ATP8A1: variants seen among roughly 807,000 people sequenced by gnomAD.
ATP8A1 encodes the protein phospholipid-transporting ATPase IA.
In ATP8A1, 90 loss-of-function variants were observed where a neutral mutation model predicts 177.7. That is an observed-to-expected ratio of 0.51 (90% CI 0.43 to 0.60). The LOEUF is 0.60. ATP8A1 is among the 20% of genes least tolerant of loss of function. The probability of loss-of-function intolerance (pLI) is 0.00; values close to 1 mark genes in which losing one functional copy is unlikely to be tolerated. For missense variants in ATP8A1, 1,072 were observed against 1,392.8 expected, an observed-to-expected ratio of 0.77 and a Z score of 3.67; for synonymous variants, 493 against 485.9, an observed-to-expected ratio of 1.01 and a Z score of -0.19.
In ATP8A1 at chr4:42,423,601, C is replaced by G. The variant is rs368422986; in HGVS notation, c.3212+16G>C. ...TGCATCTATATTTCTCCGTATATAA[C>G]TGAGTATATACTTACACCTTGTACA... is the stretch of plus-strand genomic sequence containing the variant. On this transcript the variant is annotated intron_variant, in intron 34 of 36. Coordinates refer to ENST00000381668, the MANE Select transcript of ATP8A1 (RefSeq NM_006095.2). 1.9e-6 allele frequency: 3 copies of G among 1,544,452 alleles called. No homozygotes were observed. In the South Asian group the frequency reaches 3.5e-5, roughly 18 times the overall value.
chr4:42,435,443 A>C (rs1323076482), intron 33 of ATP8A1, among the ~76,000 whole-genome samples: 66 of 83,316 alleles, frequency 7.9e-4, no homozygotes, highest in African/African-American at 2.6e-3. Context: ...AAAAAAAAAA[A>C]AAAAAACAAA....
intron 29 of ATP8A1, among the ~76,000 whole-genome samples, chr4:42,453,968 A>G (rs2153178923): frequency 6.6e-6 from 1 of 152,378 alleles, no homozygotes; most frequent in South Asian, 2.1e-4. Context: ...ACTGGGCATC[A>G]CAAATAAATT....
chr4:42,578,059 G>C (rs900715929), intron 12 of ATP8A1, among the ~76,000 whole-genome samples: 3 of 152,110 alleles, frequency 2.0e-5, no homozygotes, highest in Non-Finnish European at 4.4e-5. Flanking sequence ...CTGAACTAGA[G>C]ACCCATTTTC....
intron 20 of ATP8A1, among the ~76,000 whole-genome samples, chr4:42,532,590 T>C (rs141967796): frequency 7.9e-4 from 120 of 152,282 alleles, no homozygotes; most frequent in African/African-American, 2.7e-3. Context: ...AAGCAATCTA[T>C]AGATTCAATG....
At chr4:42,438,907 G>A (rs1328026829) in intron 33 of ATP8A1, among the ~76,000 whole-genome samples, 1 of 152,128 alleles carries the variant, frequency 6.6e-6, no homozygotes, top group Non-Finnish European at 1.5e-5. Context: ...ATTAAACATA[G>A]CGCCTGGAGA....
At chr4:42,524,953 C>T in intron 20 of ATP8A1, 106 bp from the exon 21 acceptor site, 1 of 611,808 alleles carries the variant, frequency 1.6e-6, no homozygotes, top group Non-Finnish European at 2.8e-6. Flanking sequence ...AACCACCAAT[C>T]TCTTTTGGCA....
chr4:42,492,185 G>T (rs1722806002), intron 24 of ATP8A1, among the ~76,000 whole-genome samples: 1 of 152,074 alleles, frequency 6.6e-6, no homozygotes, highest in Non-Finnish European at 1.5e-5. Flanking sequence ...TGGCATTTAG[G>T]TCCAAACAAA....
Position 42,411,889 on chromosome 4 carries a change from A to AGTGG in ATP8A1, c.*1023_*1026dup, listed in dbSNP as rs1712659027. The AGTGG allele has an allele frequency of 6.6e-6, 1 of 152,260 alleles. No homozygotes were observed. The highest frequency in any genetic ancestry group is 2.4e-5 in the African/African-American group (1 of 41,482). 9.4% of individuals were successfully genotyped at this position (152,260 alleles called of 1,614,324 possible). A position where few individuals can be genotyped will look rare whatever the true frequency, so the allele number is the denominator to read the frequency against. On this transcript the variant is annotated 3_prime_UTR_variant, in exon 37 of 37. Transcript: ENST00000381668. ...TGCTACACAAGACACAGGCATCTCT[A>AGTGG]GTGGGAACTGGAACACAGGACAAAA... is the stretch of plus-strand genomic sequence containing the variant.
intron 1 of ATP8A1, among the ~76,000 whole-genome samples, chr4:42,653,101 C>G (rs934376856): frequency 6.6e-6 from 1 of 152,170 alleles, no homozygotes; most frequent in African/African-American, 2.4e-5. Flanking sequence ...CTTCCCCTCA[C>G]CGTTCCTAAT....
At position 42,491,969 on chromosome 4, in the gene ATP8A1, GA is replaced by G. The variant is rs147156053; in HGVS notation, c.2152-6302del. On this transcript the variant is annotated intron_variant, in intron 24 of 36. Coordinates refer to ENST00000381668, the MANE Select transcript of ATP8A1 (RefSeq NM_006095.2). Reference sequence around the variant, plus strand: ...GGGGTTCACAGAGCAGAGACGAGGTGAAAATTATGGGTAAATAGTCCGACAT... The same window carrying G: ...GGGGTTCACAGAGCAGAGACGAGGTGAAATTATGGGTAAATAGTCCGACAT... Among the ~76,000 whole-genome samples the G allele has an allele frequency of 8.8e-3, 1,341 of 152,256 alleles. 11 individuals carry two copies. Among genetic ancestry groups the G allele is most frequent in the African/African-American group, 0.03 (1,245 of 41,528 alleles).
chr4:42,457,574 G>A (rs1450985856), intron 27 of ATP8A1, among the ~76,000 whole-genome samples: 1 of 152,222 alleles, frequency 6.6e-6, no homozygotes, highest in Admixed American at 6.5e-5. Context: ...TAACGGACAA[G>A]ATTTGGCTCA....
chr4:42,523,254 A>T (rs1726328205), intron 21 of ATP8A1, among the ~76,000 whole-genome samples: 1 of 152,140 alleles, frequency 6.6e-6, no homozygotes, highest in Non-Finnish European at 1.5e-5. Context: ...GATGCATTGG[A>T]AGAAAGGAGA....
chr4:42,637,603 G>C (rs746332830), intron 1 of ATP8A1, among the ~76,000 whole-genome samples: 7 of 152,200 alleles, frequency 4.6e-5, no homozygotes, highest in Non-Finnish European at 1.0e-4. Flanking sequence ...ATGGAGACTT[G>C]CTCAAGGTTA....
rs544619447 is a variant in ATP8A1 at position 42,636,119 on chromosome 4, TACACACAC to T, written c.50-9018_50-9011del. 4.9e-4 allele frequency among the ~76,000 whole-genome samples: 39 copies of T among 79,090 alleles called. No individual in the cohort carries two copies. The East Asian group carries it at 0.011, about 22-fold the overall frequency. The allele number at this position is 79,090 out of a possible 152,430, so 51.9% of individuals were successfully genotyped here. A position where few individuals can be genotyped will look rare whatever the true frequency, so the allele number is the denominator to read the frequency against. ...CTCCAAAGGAAAGCAATGGGCTTAA[TACACACAC>T]ACACACACACACACACACACACACA... On this transcript the variant is annotated intron_variant, in intron 1 of 36. Transcript: ENST00000381668.
chr4:42,462,341 T>C (rs915800432), intron 27 of ATP8A1, among the ~76,000 whole-genome samples: 13 of 152,180 alleles, frequency 8.5e-5, no homozygotes, highest in Non-Finnish European at 1.8e-4. Context: ...AGGCCCAGGG[T>C]ACACTCGTGC....
chr4:42,507,256 T>G, intron 22 of ATP8A1, 102 bp from the exon 23 acceptor site: 1 of 1,198,358 alleles, frequency 8.3e-7, no homozygotes, highest in Non-Finnish European at 1.2e-6. Flanking sequence ...GACTAAATGA[T>G]AATTCATGGA....
intron 5 of ATP8A1, among the ~76,000 whole-genome samples, chr4:42,611,462 G>A (rs544427995): frequency 2.4e-4 from 36 of 152,272 alleles, no homozygotes; most frequent in Admixed American, 5.2e-4. Context: ...GCTAAGGATC[G>A]CAGCTCTATC....
At chr4:42,540,786 G>T (rs1728310497) in intron 20 of ATP8A1, among the ~76,000 whole-genome samples, 1 of 152,122 alleles carries the variant, frequency 6.6e-6, no homozygotes, top group Non-Finnish European at 1.5e-5. Flanking sequence ...GTGAGACAGA[G>T]GGAGGAGGAT....
chr4:42,504,484 T>G (rs1386143156), intron 23 of ATP8A1, among the ~76,000 whole-genome samples: 1 of 152,250 alleles, frequency 6.6e-6, no homozygotes, highest in Non-Finnish European at 1.5e-5. Context: ...CTTTCTCTCA[T>G]ACTCTACATC....
Sources: allele counts gnomAD v4.1 joint callset (sites outside exome capture counted in the v4.1 genomes callset), GRCh38; gene constraint gnomAD v4.1.1; transcripts MANE v1.5; gene names NCBI Gene and HGNC (gene_info 2026-07-23, HGNC 2026-07-21).